Variants in SLC8A1 observed in about 807,000 individuals in gnomAD.
The protein encoded by SLC8A1 is solute carrier family 8 member A1.
Under a neutral mutation model 68.3 loss-of-function variants are expected in SLC8A1, and 18 were observed. The observed-to-expected ratio is 0.26, with a 90% CI of 0.18 to 0.39. The LOEUF is 0.39. SLC8A1 is among the 10% of genes least tolerant of loss of function. The pLI is 1.00. For synonymous variants in SLC8A1, 475 were observed against 415.5 expected (o/e 1.14, Z -1.74); for missense variants, 985 against 1,156.7 (o/e 0.85, Z 2.15).
At chr2:40,343,099 A>T (rs1370104251) in intron 2 of SLC8A1, among the ~76,000 whole-genome samples, 2 of 152,066 alleles carry the variant, frequency 1.3e-5, no homozygotes, top group South Asian at 2.1e-4. Context: ...ATATTCTATT[A>T]AAAAAAGGAA....
intron 1 of SLC8A1, among the ~76,000 whole-genome samples, chr2:40,502,544 C>A (rs150206285): frequency 3.3e-5 from 5 of 151,956 alleles, no homozygotes; most frequent in Non-Finnish European, 7.4e-5. Context: ...TAAACATATA[C>A]TTTATCTCAT....
At chr2:40,422,563 T>C (rs1358808474) in intron 2 of SLC8A1, among the ~76,000 whole-genome samples, 1 of 152,182 alleles carries the variant, frequency 6.6e-6, no homozygotes, top group Non-Finnish European at 1.5e-5. Flanking sequence ...CACAACTTAG[T>C]GTAAAATCCA....
chr2:40,110,944 G>A (rs1308757547), exon 8 of SLC8A1: 2 of 152,132 alleles, frequency 1.3e-5, no homozygotes, highest in Non-Finnish European at 2.9e-5. Flanking sequence ...TATTTTGACA[G>A]TTTAGGATCA....
chr2:40,159,018 C>T (rs1362698893), intron 6 of SLC8A1, among the ~76,000 whole-genome samples: 2 of 152,116 alleles, frequency 1.3e-5, no homozygotes, highest in Admixed American at 6.6e-5. Flanking sequence ...TAAAATGTTT[C>T]CTTGTTCTTG....
At chr2:40,355,998 C>G (rs997560896) in intron 2 of SLC8A1, among the ~76,000 whole-genome samples, 2 of 152,116 alleles carry the variant, frequency 1.3e-5, no homozygotes, top group Non-Finnish European at 2.9e-5. Context: ...CTACCGAGAG[C>G]TAGAGGTAGA....
At chr2:40,253,311 TATATACACACAC>T (rs1329724764) in intron 2 of SLC8A1, among the ~76,000 whole-genome samples, 2 of 149,840 alleles carry the variant, frequency 1.3e-5, no homozygotes, top group Admixed American at 1.3e-4. Flanking sequence ...TATATACACA[TATATACACACAC>T]ATATATGTGT....
At chr2:40,172,029 C>T (rs574011975) in intron 4 of SLC8A1, among the ~76,000 whole-genome samples, 2 of 152,340 alleles carry the variant, frequency 1.3e-5, no homozygotes, top group South Asian at 2.1e-4. Context: ...TCACACTCAG[C>T]TGCGCAAGTC....
chr2:40,175,358 A>G, intron 3 of SLC8A1, 77 bp from the exon 4 acceptor site: 1 of 1,454,932 alleles, frequency 6.9e-7, no homozygotes, highest in Non-Finnish European at 9.6e-7. Flanking sequence ...ATATCAGCAG[A>G]AAGAAATCCA....
Position 40,341,770 on chromosome 2 carries a change from G to C in SLC8A1, c.1808+86703C>G, listed in dbSNP as rs546434060. Among the ~76,000 whole-genome samples, 8 of 152,214 alleles carry C rather than the reference G, an allele frequency of 5.3e-5. 1 individual carries two copies. The highest frequency in any genetic ancestry group is 7.4e-5 in the Non-Finnish European group (5 of 67,982). On this transcript the variant is annotated intron_variant, in intron 2 of 7. Coordinates refer to ENST00000406785, the Ensembl canonical transcript of SLC8A1. ...TACAAAAGCTATTATTAGTTACACT[G>C]GTTTTTTGCTGGACTTCTAACATTC...
exon 7 of SLC8A1, chr2:40,139,601 G>A: frequency 6.2e-7 from 1 of 1,614,160 alleles, no homozygotes; most frequent in Non-Finnish European, 8.5e-7. Context: ...CCAGAACACA[G>A]TCAGAAAGTG....
chr2:40,234,174 G>A (rs1225356885), intron 2 of SLC8A1, among the ~76,000 whole-genome samples: 5 of 152,014 alleles, frequency 3.3e-5, no homozygotes, highest in African/African-American at 7.3e-5. Flanking sequence ...CATTGAATCT[G>A]TAAATTACCT....
At chr2:40,486,619 T>C (rs1704983111) in intron 1 of SLC8A1, among the ~76,000 whole-genome samples, 1 of 152,140 alleles carries the variant, frequency 6.6e-6, no homozygotes, top group African/African-American at 2.4e-5. Context: ...TATCAATGAA[T>C]ACAAGTTAGA....
At chr2:40,373,177 G>A (rs1212682539) in intron 2 of SLC8A1, among the ~76,000 whole-genome samples, 1 of 151,806 alleles carries the variant, frequency 6.6e-6, no homozygotes, top group African/African-American at 2.4e-5. Flanking sequence ...GTTTTGTGTT[G>A]TAATATTAAA....
intron 2 of SLC8A1, among the ~76,000 whole-genome samples, chr2:40,266,991 G>A (rs910232686): frequency 6.6e-6 from 1 of 152,142 alleles, no homozygotes; most frequent in Non-Finnish European, 1.5e-5. Context: ...GGGGGTGAGG[G>A]CTTTCCCTCC....
At chr2:40,148,789 T>C (rs893358986) in intron 6 of SLC8A1, among the ~76,000 whole-genome samples, 1 of 152,206 alleles carries the variant, frequency 6.6e-6, no homozygotes, top group Non-Finnish European at 1.5e-5. Flanking sequence ...TATGCTTACA[T>C]ATAGTAAACT....
intron 2 of SLC8A1, among the ~76,000 whole-genome samples, chr2:40,336,761 C>A (rs1220967329): frequency 3.3e-5 from 5 of 151,924 alleles, no homozygotes; most frequent in African/African-American, 1.2e-4. Flanking sequence ...TTCATGTTTT[C>A]TTTTTTCATG....
intron 2 of SLC8A1, among the ~76,000 whole-genome samples, chr2:40,392,158 A>G (rs1287035918): frequency 1.3e-5 from 2 of 151,960 alleles, no homozygotes; most frequent in African/African-American, 4.8e-5. Flanking sequence ...TAAAAGAAAG[A>G]AAAAAGAAAG....
intron 2 of SLC8A1, among the ~76,000 whole-genome samples, chr2:40,326,842 A>G (rs1054288948): frequency 6.6e-6 from 1 of 152,206 alleles, no homozygotes; most frequent in Non-Finnish European, 1.5e-5. Context: ...TTGACGATGT[A>G]AATTTAAAGA....
intron 2 of SLC8A1, among the ~76,000 whole-genome samples, chr2:40,421,189 C>A (rs1695408610): frequency 6.6e-6 from 1 of 152,082 alleles, no homozygotes; most frequent in African/African-American, 2.4e-5. Context: ...AGAACCACCA[C>A]CATTCCAACC....
Sources: gnomAD v4.1 joint callset for allele counts (sites outside exome capture counted in the v4.1 genomes callset) on GRCh38, gnomAD v4.1.1 for gene constraint, MANE v1.5 for transcripts, NCBI Gene and HGNC (gene_info 2026-07-23, HGNC 2026-07-21) for gene names.